The following STARD13 variants were observed in gnomAD, a reference collection of about 807,000 sequenced individuals.
The protein encoded by STARD13 is StAR related lipid transfer domain containing 13.
A neutral mutation model predicts 106.4 loss-of-function variants in STARD13; 62 were observed. The observed-to-expected ratio is 0.58, with a 90% CI of 0.48 to 0.72. STARD13 has a LOEUF of 0.72. Among genes scored for constraint, STARD13 ranks in the 30% least tolerant of loss-of-function variants. STARD13 has a pLI of 0.00. For synonymous variants in STARD13, 565 were observed against 553.0 expected, an observed-to-expected ratio of 1.02 and a Z score of -0.31; for missense variants, 1,387 against 1,424.0, an observed-to-expected ratio of 0.97 and a Z score of 0.42.
At chr13:33,437,290 A>G in the STARD13 span, among the ~76,000 whole-genome samples, 1 of 152,046 alleles carries the variant, frequency 6.6e-6, no homozygotes, top group African/African-American at 2.4e-5. Context: ...TGCTTGCTCA[A>G]TCGATCACGA....
intron 7 of STARD13, among the ~76,000 whole-genome samples, chr13:33,122,525 G>C (rs1412973240): frequency 6.6e-6 from 1 of 152,132 alleles, no homozygotes; most frequent in Admixed American, 6.6e-5. Context: ...CTTTTCACTG[G>C]TCCCACAAAT....
chr13:33,457,525 G>A, the STARD13 span, among the ~76,000 whole-genome samples: 2 of 152,176 alleles, frequency 1.3e-5, no homozygotes, highest in African/African-American at 4.8e-5. Context: ...AGGAGTGCAA[G>A]AATTCAGGAA....
the STARD13 span, among the ~76,000 whole-genome samples, chr13:33,632,160 T>C: frequency 6.6e-6 from 1 of 152,202 alleles, no homozygotes; most frequent in Non-Finnish European, 1.5e-5. Flanking sequence ...GTAGGCAATT[T>C]ACTTAAAGCC....
the STARD13 span, among the ~76,000 whole-genome samples, chr13:33,639,453 A>G: frequency 6.6e-6 from 1 of 152,242 alleles, no homozygotes; most frequent in African/African-American, 2.4e-5. Flanking sequence ...GCCTCCAAGG[A>G]AGTCCTGATT....
At chr13:33,481,940 G>A in the STARD13 span, among the ~76,000 whole-genome samples, 7 of 147,404 alleles carry the variant, frequency 4.7e-5, no homozygotes, top group East Asian at 1.0e-3. Flanking sequence ...CCGAGATCGC[G>A]CCACTACACT....
chr13:33,181,495 T>C (rs959112149), intron 1 of STARD13, among the ~76,000 whole-genome samples: 4 of 152,202 alleles, frequency 2.6e-5, no homozygotes, highest in African/African-American at 9.7e-5. Context: ...GTTGACTGAA[T>C]GGGTGAATGA....
the STARD13 span, among the ~76,000 whole-genome samples, chr13:33,505,243 A>G: frequency 6.6e-6 from 1 of 152,202 alleles, no homozygotes; most frequent in Non-Finnish European, 1.5e-5. Flanking sequence ...ATGTTCTACA[A>G]ATAAGGAAAC....
At chr13:33,374,299 G>A in the STARD13 span, among the ~76,000 whole-genome samples, 1 of 152,162 alleles carries the variant, frequency 6.6e-6, no homozygotes, top group Non-Finnish European at 1.5e-5. Context: ...GGAATTTGAT[G>A]TTTAATGAGT....
chr13:33,237,684 C>G (rs971468899), intron 1 of STARD13, among the ~76,000 whole-genome samples: 2 of 152,206 alleles, frequency 1.3e-5, no homozygotes, highest in African/African-American at 4.8e-5. Flanking sequence ...ATCCCCTACA[C>G]CCATTTGACT....
the STARD13 span, among the ~76,000 whole-genome samples, chr13:33,452,278 C>A: frequency 6.6e-6 from 1 of 151,592 alleles, no homozygotes; most frequent in Non-Finnish European, 1.5e-5. Flanking sequence ...ATGGGAGGAA[C>A]TCTCAGTTCT....
At chr13:33,430,897 A>G in the STARD13 span, among the ~76,000 whole-genome samples, 1 of 152,200 alleles carries the variant, frequency 6.6e-6, no homozygotes, top group Admixed American at 6.5e-5. Flanking sequence ...ACTGGAGATT[A>G]CCAGAGGCTA....
chr13:33,465,598 T>C, the STARD13 span, among the ~76,000 whole-genome samples: 5 of 152,198 alleles, frequency 3.3e-5, no homozygotes, highest in Non-Finnish European at 7.3e-5. Flanking sequence ...TAGGTTCCCA[T>C]GGCATTCAGG....
the STARD13 span, among the ~76,000 whole-genome samples, chr13:33,593,163 CTTTTA>C: frequency 1.3e-5 from 2 of 151,848 alleles, no homozygotes; most frequent in Non-Finnish European, 2.9e-5. Context: ...AAGATGTTTA[CTTTTA>C]TTTATTTATT....
chr13:33,643,650 G>A, the STARD13 span, among the ~76,000 whole-genome samples: 1 of 152,276 alleles, frequency 6.6e-6, no homozygotes, highest in African/African-American at 2.4e-5. Context: ...GGTTTTGCAG[G>A]TCAGCATACT....
chr13:33,224,502 T>A (rs1012523067), intron 1 of STARD13, among the ~76,000 whole-genome samples: 8 of 152,222 alleles, frequency 5.3e-5, no homozygotes, highest in African/African-American at 1.9e-4. Context: ...CACAGCGTGA[T>A]GGAGACTTCA....
the STARD13 span, among the ~76,000 whole-genome samples, chr13:33,542,508 AC>A: frequency 6.6e-6 from 1 of 152,246 alleles, no homozygotes; most frequent in Non-Finnish European, 1.5e-5. Flanking sequence ...AAAGACGCAC[AC>A]GCAGACCGCG....
chr13:33,399,229 C>T, the STARD13 span, among the ~76,000 whole-genome samples: 8 of 151,936 alleles, frequency 5.3e-5, no homozygotes, highest in Admixed American at 3.3e-4. Flanking sequence ...ATGAAATAAG[C>T]GACACATATA....
At chr13:33,423,241 T>G in the STARD13 span, among the ~76,000 whole-genome samples, 3 of 151,926 alleles carry the variant, frequency 2.0e-5, no homozygotes, top group African/African-American at 4.8e-5. Context: ...TTAAACAAAT[T>G]TACAAGAAAA....
chr13:33,550,981 A>G, the STARD13 span, among the ~76,000 whole-genome samples: 2 of 152,224 alleles, frequency 1.3e-5, no homozygotes, highest in African/African-American at 2.4e-5. Flanking sequence ...TGTGCTATAG[A>G]TAAGTATAAA....
Sources: gnomAD v4.1 joint callset for allele counts (sites outside exome capture counted in the v4.1 genomes callset) on GRCh38, gnomAD v4.1.1 for gene constraint, MANE v1.5 for transcripts, NCBI Gene and HGNC (gene_info 2026-07-23, HGNC 2026-07-21) for gene names.